Variants in DDTL observed in about 807,000 individuals in gnomAD.
The protein encoded by DDTL is D-dopachrome tautomerase like, also known as putative D-dopachrome decarboxylase-like protein.
DDTL carries 1 observed loss-of-function variant against 1.1 expected under a neutral mutation model. The observed-to-expected ratio is 0.91, with a 90% confidence interval of 0.32 to 4.31. The LOEUF (loss-of-function observed/expected upper bound fraction) is 4.31, where lower values mean the gene tolerates loss of function less well. Among genes scored for constraint, DDTL ranks in the 30% most tolerant of loss-of-function variants. The probability of loss-of-function intolerance (pLI) is 0.17; values close to 1 mark genes in which losing one functional copy is unlikely to be tolerated. For synonymous variants in DDTL, 21 were observed against 16.6 expected, an observed-to-expected ratio of 1.26 and a Z score of -0.64; for missense variants, 54 against 48.9, an observed-to-expected ratio of 1.10 and a Z score of -0.31.
At chr22:23,969,445 A>T in intron 2 of DDTL, 1 of 986,492 alleles carries the variant, frequency 1.0e-6, no homozygotes, top group Non-Finnish European at 1.2e-6. Context: ...TGCAGCACAC[A>T]CGATGAGGCT....
chr22:23,971,335 T>G lies in DDTL; in HGVS notation c.334T>G (p.Cys112Gly). 5 of 1,614,138 alleles carry G rather than the reference T, an allele frequency of 3.1e-6. No homozygotes were observed. The highest frequency in any genetic ancestry group is 4.2e-6 in the Non-Finnish European group (5 of 1,180,012). ...CCCTGCTGCCCATGGTGGCCCCAGATGCCCAGGAGAGATAATAGAAGGTAA... is the reference window on the plus strand; with the variant it reads ...CCCTGCTGCCCATGGTGGCCCCAGAGGCCCAGGAGAGATAATAGAAGGTAA... Reference protein sequence around the residue: ...TSPAAHGGPRCPGEIIEGKKS... With the variant: ...TSPAAHGGPRGPGEIIEGKKS... The change falls in exon 3 of 3, where the codon TGC (cysteine) becomes GGC (glycine). Residue 112 changes from cysteine to glycine, a missense_variant. Physicochemically the swap from Cys to Gly is radical, Grantham distance 159. Coordinates refer to ENST00000215770, the MANE Select transcript of DDTL (RefSeq NM_001084393.2).
intron 2 of DDTL, chr22:23,969,508 C>T: frequency 1.0e-6 from 1 of 985,854 alleles, no homozygotes; most frequent in Non-Finnish European, 1.2e-6. Flanking sequence ...AGCCACCATT[C>T]CACACCTGAG....
At chr22:23,971,178 C>G in intron 2 of DDTL, 108 bp from the exon 3 acceptor site, 4 of 1,490,080 alleles carry the variant, frequency 2.7e-6, no homozygotes, top group Non-Finnish European at 3.6e-6. Flanking sequence ...CCCAGCTGGA[C>G]CAGCTGCTCA....
In DDTL at chr22:23,970,359, TTGTG is replaced by T. The variant is rs1357507387; in HGVS notation, c.285-923_285-920del. On this transcript the variant is annotated intron_variant, in intron 2 of 2. Coordinates refer to ENST00000215770, the MANE Select transcript of DDTL (RefSeq NM_001084393.2). The stretch of plus-strand genomic sequence containing the variant: ...GGGTGTATACGTGAATTTTAGTGAA[TTGTG>T]TGTAAATGTGAGCAGTGTGAATTTG... 2.0e-5 allele frequency among the ~76,000 whole-genome samples: 3 copies of T among 152,130 alleles called. No homozygotes were observed. In the East Asian group the frequency reaches 5.8e-4, roughly 29 times the overall value.
chr22:23,971,636 G>A lies in DDTL; in HGVS notation c.*230G>A, dbSNP rs1277849537. The A allele has an allele frequency of 2.5e-6, 4 of 1,599,548 alleles. No homozygotes were observed. The highest frequency in any genetic ancestry group is 2.2e-5 in the South Asian group (2 of 90,704). On this transcript the variant is annotated 3_prime_UTR_variant, in exon 3 of 3. Transcript: ENST00000215770. Reference sequence around the variant, plus strand: ...GCGGATAAGTATCCTTCAGGAGACAGAGAAAAAGATATCATCAGCTCCTTG... The same window carrying A: ...GCGGATAAGTATCCTTCAGGAGACAAAGAAAAAGATATCATCAGCTCCTTG...
Position 23,971,669 on chromosome 22 carries a change from C to T in DDTL, c.*263C>T, listed in dbSNP as rs764591131. The T allele has an allele frequency of 2.2e-5, 34 of 1,564,790 alleles. 1 individual carries two copies. In the South Asian group the frequency reaches 3.5e-4, roughly 16 times the overall value. On this transcript the variant is annotated 3_prime_UTR_variant, in exon 3 of 3. Coordinates refer to ENST00000215770, the MANE Select transcript of DDTL (RefSeq NM_001084393.2). ...GATATCATCAGCTCCTTGGCTAATA[C>T]CACATCTTGCAAGACCCCTGCCAGG...
chr22:23,970,966 C>T (rs1344989498), intron 2 of DDTL, among the ~76,000 whole-genome samples: 1 of 151,008 alleles, frequency 6.6e-6, no homozygotes, highest in Non-Finnish European at 1.5e-5. Flanking sequence ...GACTGGGGAC[C>T]CTGCTTCTGG....
At position 23,971,386 on chromosome 22, in the gene DDTL, C is replaced by T. The variant is rs1385875890; in HGVS notation, c.385C>T (p.Leu129Phe). The T allele has an allele frequency of 6.2e-7, 1 of 1,613,872 alleles. No individual in the cohort carries two copies. Among genetic ancestry groups the T allele is most frequent in the East Asian group, 2.2e-5 (1 of 44,880 alleles). ...GKKSCLNEEA[L>F]FIYFI ...GAAGTCATGTTTGAATGAGGAAGCT[C>T]TCTTCATTTATTTCATATGAGGATG... Residue 129 changes from leucine (L) to phenylalanine (F), a missense_variant, in exon 3 of 3, where the codon CTC becomes TTC. Leu to Phe is a conservative substitution (Grantham distance 22). Transcript: ENST00000215770.
At position 23,971,543 on chromosome 22, in the gene DDTL, G is replaced by A. The variant is rs376469607; in HGVS notation, c.*137G>A. 5.0e-5 allele frequency: 80 copies of A among 1,613,962 alleles called. 1 individual carries two copies. In the South Asian group the frequency reaches 7.5e-4, roughly 15 times the overall value. On this transcript the variant is annotated 3_prime_UTR_variant, in exon 3 of 3. Transcript: ENST00000215770. Reference sequence around the variant, plus strand: ...GTTCACAGATGCCCTGGATCCCTCCGTGCCCAATCATAAAAAAGTCATGAC... The same window carrying A: ...GTTCACAGATGCCCTGGATCCCTCCATGCCCAATCATAAAAAAGTCATGAC...
At chr22:23,970,746 G>T (rs1421720869) in intron 2 of DDTL, among the ~76,000 whole-genome samples, 1 of 152,152 alleles carries the variant, frequency 6.6e-6, no homozygotes, top group Non-Finnish European at 1.5e-5. Context: ...GTGTGCAGGT[G>T]GCACAGTTGC....
At chr22:23,971,068 A>G (rs935812064) in intron 2 of DDTL, among the ~76,000 whole-genome samples, 1 of 152,170 alleles carries the variant, frequency 6.6e-6, no homozygotes, top group Non-Finnish European at 1.5e-5. Context: ...CAGGCTGCCC[A>G]GCCAGTCATG....
rs572475358 is a variant in DDTL at position 23,971,150 on chromosome 22, A to T, written c.285-136A>T. 109 of 1,313,386 alleles carry T rather than the reference A, an allele frequency of 8.3e-5. 1 individual carries two copies. The South Asian group carries it at 1.3e-3, about 16-fold the overall frequency. The allele number at this position is 1,313,386 out of a possible 1,614,324, so 81.4% of individuals were successfully genotyped here. On this transcript the variant is annotated intron_variant, in intron 2 of 2. Coordinates refer to ENST00000215770, the MANE Select transcript of DDTL (RefSeq NM_001084393.2). ...GGGCTGAGGACAGGAGCCTCAGGTC[A>T]GCAGTCTGCAGGAAGGCCCCAGCTG...
chr22:23,969,446 C>T lies in DDTL; in HGVS notation c.285-1840C>T, dbSNP rs575943615. Reference sequence around the variant, plus strand: ...GAGATGATGGAGTGTGCAGCACACACGATGAGGCTACTGTGTTGAGTGTCT... The same window carrying T: ...GAGATGATGGAGTGTGCAGCACACATGATGAGGCTACTGTGTTGAGTGTCT... On this transcript the variant is annotated intron_variant, in intron 2 of 2. Transcript: ENST00000215770. 1.5e-5 allele frequency: 15 copies of T among 986,466 alleles called. No homozygotes were observed. The East Asian group carries it at 7.4e-4, about 48-fold the overall frequency. 61.1% of individuals were successfully genotyped at this position (986,466 alleles called of 1,614,324 possible).
intron 2 of DDTL, chr22:23,969,783 C>T: frequency 3.0e-6 from 3 of 985,914 alleles, no homozygotes; most frequent in Non-Finnish European, 3.6e-6. Context: ...TCCACCACTG[C>T]ACTCACTCCA....
At position 23,972,524 on chromosome 22, in the gene DDTL, AATG is replaced by A. The variant is rs2033927181; in HGVS notation, c.*1120_*1122del. Reference sequence around the variant, plus strand: ...TAAATAGTTGTATTGTTTAGGGAATAATGACAAGGAATAAAGTCTATACGTATT... The same window carrying A: ...TAAATAGTTGTATTGTTTAGGGAATAACAAGGAATAAAGTCTATACGTATT... On this transcript the variant is annotated 3_prime_UTR_variant, in exon 3 of 3. Transcript: ENST00000215770. 1 of 439,846 alleles carries A rather than the reference AATG, an allele frequency of 2.3e-6. No individual in the cohort carries two copies. The highest frequency in any genetic ancestry group is 2.1e-5 in the African/African-American group (1 of 47,332). 27.2% of individuals were successfully genotyped at this position (439,846 alleles called of 1,614,324 possible).
At chr22:23,969,583 G>C in intron 2 of DDTL, 2 of 985,180 alleles carry the variant, frequency 2.0e-6, no homozygotes, top group Non-Finnish European at 2.4e-6. Context: ...TTGCAAAATG[G>C]GCTGAGGTGG....
chr22:23,969,468 G>C, intron 2 of DDTL: 1 of 986,290 alleles, frequency 1.0e-6, no homozygotes, highest in East Asian at 1.1e-4. Flanking sequence ...TGTGTTGAGT[G>C]TCTGTCCTAG....
chr22:23,969,817 C>T (rs2033866256), intron 2 of DDTL: 1 of 985,894 alleles, frequency 1.0e-6, no homozygotes, highest in Non-Finnish European at 1.2e-6. Context: ...TGGATTGTTC[C>T]TAATTGGATG....
intron 2 of DDTL, among the ~76,000 whole-genome samples, chr22:23,970,458 ATG>A (rs912875381): frequency 2.0e-5 from 3 of 151,164 alleles, no homozygotes; most frequent in Admixed American, 6.6e-5. Context: ...GACGGGGAGT[ATG>A]TGTGTGTGTG....
Sources: gnomAD v4.1 joint callset for allele counts (sites outside exome capture counted in the v4.1 genomes callset) on GRCh38, gnomAD v4.1.1 for gene constraint, MANE v1.5 for transcripts, NCBI Gene and HGNC (gene_info 2026-07-23, HGNC 2026-07-21) for gene names.